CHST15: variants seen among roughly 807,000 people sequenced by gnomAD.
CHST15 encodes the protein carbohydrate sulfotransferase 15, also known as B cell RAG associated protein (GALNAC4S-6ST).
CHST15 carries 30 observed loss-of-function variants against 53.6 expected under a neutral mutation model. That is an observed-to-expected ratio of 0.56 (90% CI 0.42 to 0.76). The LOEUF is 0.76. Ranked by LOEUF, CHST15 falls within the 30% of genes least tolerant of loss-of-function variation. The pLI is 0.00. For synonymous variants in CHST15, 296 were observed against 289.8 expected, an observed-to-expected ratio of 1.02 and a Z score of -0.22; for missense variants, 627 against 740.5, an observed-to-expected ratio of 0.85 and a Z score of 1.78.
At chr10:124,029,485 C>A (rs745312587) in intron 5 of CHST15, among the ~76,000 whole-genome samples, 8 of 152,210 alleles carry the variant, frequency 5.3e-5, no homozygotes, top group Non-Finnish European at 8.8e-5. Context: ...GGGTTCCCAG[C>A]CCCTCTTTGT....
intron 1 of CHST15, among the ~76,000 whole-genome samples, chr10:124,054,616 T>G (rs946037570): frequency 3.3e-5 from 5 of 152,162 alleles, no homozygotes; most frequent in African/African-American, 4.8e-5. Context: ...TATGCCAGGC[T>G]TGGGAGTTGG....
At chr10:124,045,131 A>AAC (rs1947938263) in intron 2 of CHST15, among the ~76,000 whole-genome samples, 5 of 111,768 alleles carry the variant, frequency 4.5e-5, no homozygotes, top group Admixed American at 3.5e-4. Context: ...AAAAAAAAAA[A>AAC]AAAAAAAAAA....
At chr10:124,059,119 T>G (rs1203999170) in intron 1 of CHST15, among the ~76,000 whole-genome samples, 3 of 152,194 alleles carry the variant, frequency 2.0e-5, no homozygotes, top group Admixed American at 2.0e-4. Context: ...CACATGACAG[T>G]AGGCAAACCC....
intron 1 of CHST15, among the ~76,000 whole-genome samples, chr10:124,072,104 T>A (rs1948934565): frequency 6.6e-6 from 1 of 152,214 alleles, no homozygotes. Context: ...TACCAACAGC[T>A]TCCAAGCCCT....
intron 1 of CHST15, among the ~76,000 whole-genome samples, chr10:124,058,641 C>T (rs117775077): frequency 1.4e-3 from 212 of 152,332 alleles, no homozygotes; most frequent in East Asian, 0.013. Context: ...ACCGGCCACC[C>T]GTCTCCCTTG....
chr10:124,037,761 T>C (rs1219798045), intron 5 of CHST15, among the ~76,000 whole-genome samples: 1 of 152,256 alleles, frequency 6.6e-6, no homozygotes. Flanking sequence ...TCAGCATTGT[T>C]CTTCCTTTTG....
intron 5 of CHST15, among the ~76,000 whole-genome samples, chr10:124,026,219 T>TCAGGGGAGCACTCAGA (rs1359696943): frequency 5.9e-5 from 9 of 152,236 alleles, no homozygotes; most frequent in African/African-American, 1.7e-4. Flanking sequence ...GCACTTCCCT[T>TCAGGGGAGCACTCAGA]CAGGGGAGCA....
intron 3 of CHST15, among the ~76,000 whole-genome samples, chr10:124,043,920 C>G (rs994922598): frequency 1.3e-5 from 2 of 151,674 alleles, no homozygotes; most frequent in African/African-American, 4.9e-5. Context: ...CAGCACAGAG[C>G]AGGGGAACAG....
At chr10:124,027,366 G>A (rs2133897142) in intron 5 of CHST15, among the ~76,000 whole-genome samples, 1 of 152,330 alleles carries the variant, frequency 6.6e-6, no homozygotes, top group African/African-American at 2.4e-5. Context: ...GAGGCCAGCA[G>A]TGGCAAGGCC....
rs1946328575 is a variant in CHST15, at chr10:124,008,487, T to C, written c.*1662A>G. ...TGCCGGCTATAGAGAAGGTGGGGACTGTCCCTGCAAGTGGGAGTTCAGGAC... is the reference window on the plus strand; with the variant it reads ...TGCCGGCTATAGAGAAGGTGGGGACCGTCCCTGCAAGTGGGAGTTCAGGAC... On this transcript the variant is annotated 3_prime_UTR_variant, in exon 8 of 8. Coordinates refer to ENST00000435907, the MANE Select transcript of CHST15 (RefSeq NM_001270764.2). 1.0e-6 allele frequency: 1 copy of C among 993,320 alleles called. No individual in the cohort carries two copies. The highest frequency in any genetic ancestry group is 1.2e-6 in the Non-Finnish European group (1 of 834,210). The allele number at this position is 993,320 out of a possible 1,614,324, so 61.5% of individuals were successfully genotyped here.
intron 6 of CHST15, among the ~76,000 whole-genome samples, chr10:124,015,040 T>C (rs1946544687): frequency 6.6e-6 from 1 of 152,186 alleles, no homozygotes; most frequent in Admixed American, 6.5e-5. Flanking sequence ...TCCCGCTTTG[T>C]GCCTTCCCTC....
At chr10:124,063,240 G>A (rs763470270) in intron 1 of CHST15, among the ~76,000 whole-genome samples, 3 of 152,046 alleles carry the variant, frequency 2.0e-5, no homozygotes, top group Non-Finnish European at 2.9e-5. Flanking sequence ...AAAATTAGCC[G>A]GGCGTGGTGG....
Position 124,009,027 on chromosome 10 carries a change from TG to T in CHST15, c.*1121del. The T allele has an allele frequency of 7.8e-7, 1 of 1,289,212 alleles. No individual in the cohort carries two copies. The highest frequency in any genetic ancestry group is 1.0e-6 in the Non-Finnish European group (1 of 988,698). 79.9% of individuals were successfully genotyped at this position (1,289,212 alleles called of 1,614,324 possible). On this transcript the variant is annotated 3_prime_UTR_variant, in exon 8 of 8. Transcript: ENST00000435907. ...CAGCTTGTGCATTGTGTTTTGGAAT[TG>T]GGACACGAGTATCTATAGTCCCTTG...
At chr10:124,071,066 T>C (rs907026329) in intron 1 of CHST15, among the ~76,000 whole-genome samples, 1 of 152,222 alleles carries the variant, frequency 6.6e-6, no homozygotes, top group African/African-American at 2.4e-5. Context: ...GAATTCAATT[T>C]GATTTGATTT....
intron 5 of CHST15, among the ~76,000 whole-genome samples, chr10:124,030,321 A>AT (rs1947178440): frequency 3.3e-5 from 5 of 152,170 alleles, no homozygotes; most frequent in Admixed American, 2.0e-4. Context: ...TCCAGGGCCC[A>AT]TATCAAGGTG....
At chr10:124,047,212 T>C (rs1948033784) in intron 1 of CHST15, among the ~76,000 whole-genome samples, 1 of 152,332 alleles carries the variant, frequency 6.6e-6, no homozygotes, top group East Asian at 1.9e-4. Flanking sequence ...GTTTTTTCCC[T>C]CTCACTGGCA....
Position 124,009,595 on chromosome 10 carries a change from T to A in CHST15, c.*554A>T. On this transcript the variant is annotated 3_prime_UTR_variant, in exon 8 of 8. Transcript: ENST00000435907. ...GAAAGACTGCGGTTCTCTGTCCCAGTGAGGTTAGCGATCGCAACAAGAGTG... is the reference window on the plus strand; with the variant it reads ...GAAAGACTGCGGTTCTCTGTCCCAGAGAGGTTAGCGATCGCAACAAGAGTG... The A allele has an allele frequency of 1.0e-6, 1 of 989,854 alleles. No individual in the cohort carries two copies. The highest frequency in any genetic ancestry group is 1.1e-4 in the East Asian group (1 of 8,864). 61.3% of individuals were successfully genotyped at this position (989,854 alleles called of 1,614,324 possible). A position where few individuals can be genotyped will look rare whatever the true frequency, so the allele number is the denominator to read the frequency against.
rs564533814 is a variant in CHST15 at position 124,020,461 on chromosome 10, C to T, written c.1347+795G>A. 1,496 of 985,544 alleles carry T rather than the reference C, an allele frequency of 1.5e-3. 3 individuals carry two copies. Among genetic ancestry groups the T allele is most frequent in the Non-Finnish European group, 1.7e-3 (1,439 of 829,998 alleles). 61.0% of individuals were successfully genotyped at this position (985,544 alleles called of 1,614,324 possible). On this transcript the variant is annotated intron_variant, in intron 6 of 7. Coordinates refer to ENST00000435907, the MANE Select transcript of CHST15 (RefSeq NM_001270764.2). ...CCCACCTGCTGCCCCTGCATGCTGC[C>T]TCCCAGATCCCACGGCCTCTGTAGT... is the stretch of plus-strand genomic sequence containing the variant.
chr10:124,019,614 C>A lies in CHST15; in HGVS notation c.1347+1642G>T. On this transcript the variant is annotated intron_variant, in intron 6 of 7. Transcript: ENST00000435907. The surrounding 1 kb of genome is among the most constrained non-coding windows in gnomAD (Gnocchi z 4.6). ...GTCTCCGTTTCCTTATGAAGGCTCC[C>A]TCCCGGGTTACATGAAATTTACGTT... is the stretch of plus-strand genomic sequence containing the variant. 3.3e-6 allele frequency: 1 copy of A among 299,162 alleles called. No homozygotes were observed. The allele number at this position is 299,162 out of a possible 1,614,324, so 18.5% of individuals were successfully genotyped here.
Sources: allele counts gnomAD v4.1 joint callset (sites outside exome capture counted in the v4.1 genomes callset), GRCh38; gene constraint gnomAD v4.1.1; non-coding constraint Gnocchi (gnomAD v3.1); transcripts MANE v1.5; gene names NCBI Gene and HGNC (gene_info 2026-07-23, HGNC 2026-07-21).